Variants in CMYA5 observed in about 807,000 individuals in gnomAD.
The protein encoded by CMYA5 is cardiomyopathy-associated protein 5.
A neutral mutation model predicts 318.9 loss-of-function variants in CMYA5; 246 were observed. The observed-to-expected ratio is 0.77, with a 90% CI of 0.70 to 0.86. The LOEUF (loss-of-function observed/expected upper bound fraction) is 0.86, where lower values mean the gene tolerates loss of function less well. Ranked by LOEUF, CMYA5 falls within the 40% of genes least tolerant of loss-of-function variation. The pLI is 0.00. For synonymous variants in CMYA5, 1,641 were observed against 1,729.5 expected (o/e 0.95, Z 1.27); for missense variants, 4,589 against 4,678.2 (o/e 0.98, Z 0.56).
chr5:79,791,713 CAAAAAAAA>C (rs61063837), intron 11 of CMYA5, among the ~76,000 whole-genome samples: 1 of 92,054 alleles, frequency 1.1e-5, no homozygotes, highest in Non-Finnish European at 2.6e-5. Flanking sequence ...GACTCTGTCT[CAAAAAAAA>C]AAAAAAAAAA....
At chr5:79,723,368 G>A (rs1234784216) in intron 1 of CMYA5, among the ~76,000 whole-genome samples, 2 of 151,652 alleles carry the variant, frequency 1.3e-5, no homozygotes, top group Admixed American at 6.6e-5. Context: ...GAACTCTGGA[G>A]GCAGAGATTG....
chr5:79,745,123 A>T, intron 3 of CMYA5, 99 bp from the exon 4 acceptor site: 2 of 712,240 alleles, frequency 2.8e-6, no homozygotes, highest in Non-Finnish European at 2.4e-6. Flanking sequence ...TCAGGATGCC[A>T]GAGGTCAATT....
At chr5:79,797,362 A>G (rs545773496) in intron 12 of CMYA5, among the ~76,000 whole-genome samples, 38 of 152,368 alleles carry the variant, frequency 2.5e-4, no homozygotes, top group African/African-American at 8.4e-4. Context: ...AAGAAATGCC[A>G]GTTAACAGGG....
rs767267922 is a variant in CMYA5, at chr5:79,799,487, C to T, written c.12081C>T (p.Ser4027=). Residue 4027 remains serine, a synonymous_variant, in exon 13 of 13, where the codon AGC becomes AGT. Coordinates refer to ENST00000446378, the MANE Select transcript of CMYA5 (RefSeq NM_153610.5). ...GACTTATCTTCATCAACGCAGAGAG[C>T]GAGCAGTTGCTCTTCATCATCAGGC... ...NQRLIFINAE[S]EQLLFIIRHR... 2.1e-5 allele frequency: 34 copies of T among 1,613,890 alleles called. No homozygotes were observed. Among genetic ancestry groups the T allele is most frequent in the Non-Finnish European group, 2.8e-5 (33 of 1,179,902 alleles).
Position 79,737,449 on chromosome 5 carries a change from T to TCATTAGATG in CMYA5, c.8684_8685insCATTAGATG (p.Ile2896_Ser2897insArgCysIle). The TCATTAGATG allele has an allele frequency of 1.2e-6, 2 of 1,613,804 alleles. No individual in the cohort carries two copies. Among genetic ancestry groups the TCATTAGATG allele is most frequent in the Non-Finnish European group, 8.5e-7 (1 of 1,179,814 alleles). Reference sequence around the variant, plus strand: ...TCAGCAAAAAGCAACTATGCTCAATTTATATCTAATACATCAGCAAGCAAT... The same window carrying TCATTAGATG: ...TCAGCAAAAAGCAACTATGCTCAATTCATTAGATGTATATCTAATACATCAGCAAGCAAT... On this transcript the variant is annotated inframe_insertion, in exon 2 of 13. Transcript: ENST00000446378.
Position 79,736,160 on chromosome 5 carries a change from T to C in CMYA5, c.7395T>C (p.Tyr2465=). ...AAGATAATTTGGAAAACAGATCATA[T>C]ACCTTGGCAGAAAAGAAGGTGCTGG... ...EKKDNLENRS[Y]TLAEKKVLAE... The change falls in exon 2 of 13, where the codon TAT becomes TAC. Residue 2465 remains tyrosine (Y), a synonymous_variant. Coordinates refer to ENST00000446378, the MANE Select transcript of CMYA5 (RefSeq NM_153610.5). 6.2e-7 allele frequency: 1 copy of C among 1,613,794 alleles called. No homozygotes were observed. The highest frequency in any genetic ancestry group is 8.5e-7 in the Non-Finnish European group (1 of 1,179,782).
intron 2 of CMYA5, among the ~76,000 whole-genome samples, chr5:79,743,264 C>T (rs918547633): frequency 5.3e-5 from 8 of 152,262 alleles, no homozygotes; most frequent in Admixed American, 1.3e-4. Context: ...TCACCCCATA[C>T]GTTTTCTAGT....
chr5:79,735,213 G>C lies in CMYA5; in HGVS notation c.6448G>C (p.Glu2150Gln). The C allele has an allele frequency of 6.2e-7, 1 of 1,613,822 alleles. No homozygotes were observed. Among genetic ancestry groups the C allele is most frequent in the African/African-American group, 1.3e-5 (1 of 75,044 alleles). ...AGAGCCTCAATCCCCAGAGTCACCT[G>C]AGGTGACACAAAATCCACCTACACA... is the stretch of plus-strand genomic sequence containing the variant. Reference protein sequence around the residue: ...AREPQSPESPEVTQNPPTQPK... With the variant: ...AREPQSPESPQVTQNPPTQPK... Residue 2150 changes from glutamate to glutamine, a missense_variant, in exon 2 of 13, where the codon GAG (glutamate) becomes CAG (glutamine). By Grantham distance (29) the Glu-to-Gln change is conservative (BLOSUM62 2). Transcript: ENST00000446378.
At chr5:79,727,848 A>T (rs1372017209) in intron 1 of CMYA5, among the ~76,000 whole-genome samples, 1 of 152,236 alleles carries the variant, frequency 6.6e-6, no homozygotes, top group Non-Finnish European at 1.5e-5. Context: ...GGCCAAAGCC[A>T]GCCATCTCGG....
At position 79,735,591 on chromosome 5, in the gene CMYA5, C is replaced by A; in HGVS notation, c.6826C>A (p.Gln2276Lys). 1.9e-6 allele frequency: 3 copies of A among 1,613,350 alleles called. No homozygotes were observed. Among genetic ancestry groups the A allele is most frequent in the Non-Finnish European group, 2.5e-6 (3 of 1,179,700 alleles). ...GATTTTATCAAATGTAGAAGATTTA[C>A]AACAGCCAAAATTCATTTCTGAGGT... The part of the protein sequence containing the change: ...SMILSNVEDL[Q>K]QPKFISEVSR... Residue 2276 changes from glutamine (Q) to lysine (K), a missense_variant, in exon 2 of 13, where the codon CAA becomes AAA. Transcript: ENST00000446378.
At chr5:79,763,423 C>T in intron 9 of CMYA5, 1 of 479,766 alleles carries the variant, frequency 2.1e-6, no homozygotes, top group Non-Finnish European at 3.7e-6. Context: ...AGAATAACTC[C>T]CTTGTAAGAA....
chr5:79,739,669 C>A (rs1330344092), intron 2 of CMYA5, among the ~76,000 whole-genome samples: 1 of 151,876 alleles, frequency 6.6e-6, no homozygotes. Context: ...AGGAAAAACA[C>A]ACACACACAC....
rs1033472852 is a variant in CMYA5, at chr5:79,745,081, T to C, written c.10735-141T>C. ...GGAAAGGGATTGGTAGGTTAGAAATTTGAACTGTGCATGTGATGTCTGATT... is the reference window on the plus strand; with the variant it reads ...GGAAAGGGATTGGTAGGTTAGAAATCTGAACTGTGCATGTGATGTCTGATT... On this transcript the variant is annotated intron_variant, in intron 3 of 12. Coordinates refer to ENST00000446378, the MANE Select transcript of CMYA5 (RefSeq NM_153610.5). The C allele has an allele frequency of 3.8e-5, 23 of 605,628 alleles. 2 individuals carry two copies. In the South Asian group the frequency reaches 5.1e-4, roughly 14 times the overall value. 37.5% of individuals were successfully genotyped at this position (605,628 alleles called of 1,614,324 possible).
At position 79,732,011 on chromosome 5, in the gene CMYA5, T is replaced by C; in HGVS notation, c.3246T>C (p.Pro1082=). ...MSPLEDLSLP[P]STDKSEKAEI... ...CGCTTGAAGACTTAAGTCTGCCGCC[T>C]TCAACAGATAAATCAGAGAAAGCAG... Residue 1082 remains proline (P), a synonymous_variant, in exon 2 of 13, where the codon CCT becomes CCC. Transcript: ENST00000446378. 6.2e-7 allele frequency: 1 copy of C among 1,613,956 alleles called. No homozygotes were observed.
intron 2 of CMYA5, 24 bp from the exon 3 acceptor site, chr5:79,743,803 G>A (rs766376613): frequency 3.2e-6 from 4 of 1,263,182 alleles, no homozygotes; most frequent in Non-Finnish European, 4.5e-6. Context: ...CATATACTAA[G>A]GATATCTTAA....
Position 79,731,425 on chromosome 5 carries a change from C to G in CMYA5, c.2660C>G (p.Ala887Gly), listed in dbSNP as rs1192092564. ...SEYVVLSDEEAVELERYTPSS... is the reference protein window; with the variant it reads ...SEYVVLSDEEGVELERYTPSS... ...TATGTTGTTCTATCAGACGAAGAGG[C>G]AGTCGAGTTGGAACGATACACACCC... Residue 887 changes from alanine to glycine, a missense_variant, in exon 2 of 13, where the codon GCA becomes GGA. Physicochemically the swap from Ala to Gly is moderately conservative, Grantham distance 60. Transcript: ENST00000446378. 12 of 1,613,282 alleles carry G rather than the reference C, an allele frequency of 7.4e-6. No homozygotes were observed. Among genetic ancestry groups the G allele is most frequent in the African/African-American group, 1.3e-5 (1 of 74,890 alleles).
intron 2 of CMYA5, among the ~76,000 whole-genome samples, chr5:79,740,011 A>G (rs1828179838): frequency 6.6e-6 from 1 of 152,114 alleles, no homozygotes. Context: ...AAAATAAATA[A>G]AAATAACAGC....
intron 1 of CMYA5, among the ~76,000 whole-genome samples, chr5:79,701,126 T>G (rs1358947487): frequency 1.3e-5 from 2 of 148,490 alleles, no homozygotes; most frequent in Non-Finnish European, 1.5e-5. Context: ...AGTGTGGTAG[T>G]GCATGCCTAT....
chr5:79,721,434 T>C (rs1418254063), intron 1 of CMYA5, among the ~76,000 whole-genome samples: 1 of 152,170 alleles, frequency 6.6e-6, no homozygotes, highest in Non-Finnish European at 1.5e-5. Context: ...TCCAAACATA[T>C]TGGCAATTAT....
Sources: allele counts gnomAD v4.1 joint callset (sites outside exome capture counted in the v4.1 genomes callset), GRCh38; gene constraint gnomAD v4.1.1; transcripts MANE v1.5; gene names NCBI Gene and HGNC (gene_info 2026-07-23, HGNC 2026-07-21).